The following ZBTB20 variants were observed in gnomAD, a reference collection of about 807,000 sequenced individuals.
The protein encoded by ZBTB20 is zinc finger and BTB domain-containing protein 20.
A neutral mutation model predicts 56.9 loss-of-function variants in ZBTB20; 9 were observed. The ratio of observed to expected loss-of-function variants is 0.16; its 90% CI spans 0.10 to 0.28. The LOEUF (loss-of-function observed/expected upper bound fraction) is 0.28. Among genes scored for constraint, ZBTB20 ranks in the 10% least tolerant of loss-of-function variants. The pLI is 1.00. For missense variants in ZBTB20, 655 were observed against 1,003.0 expected, an observed-to-expected ratio of 0.65 and a Z score of 4.69; for synonymous variants, 417 against 420.7, an observed-to-expected ratio of 0.99 and a Z score of 0.11.
intron 6 of ZBTB20, among the ~76,000 whole-genome samples, chr3:114,551,258 TAA>T (rs1476592061): frequency 6.6e-6 from 1 of 152,208 alleles, no homozygotes; most frequent in African/African-American, 2.4e-5. Context: ...CTGTTCACAA[TAA>T]AAGAGATTCA....
In ZBTB20 at chr3:115,087,742, C is replaced by T. The variant is rs191808383; in HGVS notation, c.-702-16328G>A. Reference sequence around the variant, plus strand: ...GATGCAAGGGTAATATAGTTTCAGGCACCAACTGCTTCCTGCATCCCTATA... The same window carrying T: ...GATGCAAGGGTAATATAGTTTCAGGTACCAACTGCTTCCTGCATCCCTATA... On this transcript the variant is annotated intron_variant, in intron 1 of 11. Coordinates refer to ENST00000675478, the MANE Select transcript of ZBTB20 (RefSeq NM_001348800.3). Among the ~76,000 whole-genome samples, 28 of 152,022 alleles carry T rather than the reference C, an allele frequency of 1.8e-4. No homozygotes were observed. The East Asian group carries it at 3.7e-3, about 20-fold the overall frequency.
At chr3:114,388,893 A>C (rs2108612462) in intron 8 of ZBTB20, 112 bp downstream of exon 8, 1 of 152,414 alleles carries the variant, frequency 6.6e-6, no homozygotes, top group East Asian at 1.9e-4. Flanking sequence ...CTGCTGATCC[A>C]AGAAATGAAG....
At chr3:114,456,211 A>G (rs1222053909) in intron 7 of ZBTB20, among the ~76,000 whole-genome samples, 1 of 144,372 alleles carries the variant, frequency 6.9e-6, no homozygotes, top group Non-Finnish European at 1.5e-5. Flanking sequence ...ATATATATAT[A>G]TGGAGAGAGA....
intron 4 of ZBTB20, among the ~76,000 whole-genome samples, chr3:114,862,562 C>T (rs2075581986): frequency 6.6e-6 from 1 of 152,010 alleles, no homozygotes; most frequent in African/African-American, 2.4e-5. Flanking sequence ...CACCTTGTGC[C>T]AGGCACAGTT....
At chr3:114,547,497 A>G (rs2050031693) in intron 6 of ZBTB20, among the ~76,000 whole-genome samples, 2 of 152,186 alleles carry the variant, frequency 1.3e-5, no homozygotes, top group Admixed American at 1.3e-4. Flanking sequence ...AGATTTAAAA[A>G]TGATCGTAGT....
intron 8 of ZBTB20, among the ~76,000 whole-genome samples, chr3:114,382,295 A>G (rs1457913924): frequency 4.0e-5 from 6 of 151,344 alleles, no homozygotes; most frequent in Non-Finnish European, 2.9e-5. Context: ...AACCTCTTTC[A>G]CTCCTCTAGT....
At chr3:114,475,181 C>T (rs2040601394) in intron 7 of ZBTB20, among the ~76,000 whole-genome samples, 1 of 152,106 alleles carries the variant, frequency 6.6e-6, no homozygotes, top group Non-Finnish European at 1.5e-5. Flanking sequence ...TTCTTCCATG[C>T]TTTTCTCATG....
chr3:114,786,064 G>T (rs1374620718), intron 5 of ZBTB20, among the ~76,000 whole-genome samples: 1 of 151,892 alleles, frequency 6.6e-6, no homozygotes, highest in African/African-American at 2.4e-5. Context: ...ATAGGCAAAC[G>T]TGTGCCATGG....
At chr3:114,423,626 G>C (rs1041770966) in intron 7 of ZBTB20, among the ~76,000 whole-genome samples, 6 of 152,154 alleles carry the variant, frequency 3.9e-5, no homozygotes, top group Admixed American at 6.5e-5. Context: ...ATTTAAAAAG[G>C]GGGTTTATGA....
intron 4 of ZBTB20, among the ~76,000 whole-genome samples, chr3:114,889,860 G>C (rs983861365): frequency 2.0e-5 from 3 of 151,590 alleles, no homozygotes; most frequent in African/African-American, 7.3e-5. Flanking sequence ...AGAAAAAAAA[G>C]GATCTATACA....
intron 5 of ZBTB20, among the ~76,000 whole-genome samples, chr3:114,776,596 A>G (rs908603049): frequency 6.6e-6 from 1 of 152,202 alleles, no homozygotes; most frequent in African/African-American, 2.4e-5. Context: ...GAACTGTGAG[A>G]GAATAGATTT....
rs115503981 is a variant in ZBTB20, at chr3:114,645,661, G to A, written c.-295+47867C>T. 6.7e-3 allele frequency among the ~76,000 whole-genome samples: 1,013 copies of A among 152,184 alleles called. 11 individuals carry two copies. Among genetic ancestry groups the A allele is most frequent in the African/African-American group, 0.022 (920 of 41,526 alleles). On this transcript the variant is annotated intron_variant, in intron 6 of 11. Transcript: ENST00000675478. ...GCCTCAAAGGGGAATGTTGAGTCAT[G>A]GAGATGTAATGTGACTCCTTAAACT...
At chr3:115,115,238 T>TA (rs2083986718) in intron 1 of ZBTB20, among the ~76,000 whole-genome samples, 1 of 152,124 alleles carries the variant, frequency 6.6e-6, no homozygotes, top group Admixed American at 6.5e-5. Flanking sequence ...ATTTCATGTG[T>TA]AGAAGTAGTT....
At chr3:114,905,469 C>T (rs2075285947) in intron 3 of ZBTB20, among the ~76,000 whole-genome samples, 1 of 151,722 alleles carries the variant, frequency 6.6e-6, no homozygotes, top group Admixed American at 6.6e-5. Context: ...AGACTGTAAA[C>T]TTGGGGACCA....
chr3:114,801,898 A>G (rs550185793), intron 4 of ZBTB20, among the ~76,000 whole-genome samples: 3 of 152,070 alleles, frequency 2.0e-5, no homozygotes, highest in African/African-American at 7.2e-5. Context: ...TTTTTTAAAT[A>G]TGTACTTATA....
chr3:114,980,030 C>T (rs980233742), intron 2 of ZBTB20, among the ~76,000 whole-genome samples: 4 of 151,904 alleles, frequency 2.6e-5, no homozygotes, highest in Non-Finnish European at 5.9e-5. Flanking sequence ...ATTTCAGGTT[C>T]GCTTCTAAAT....
intron 5 of ZBTB20, among the ~76,000 whole-genome samples, chr3:114,753,236 A>C (rs1312175505): frequency 7.0e-6 from 1 of 141,986 alleles, no homozygotes; most frequent in Admixed American, 7.4e-5. Flanking sequence ...TATAATGTAT[A>C]TATGTATACC....
At chr3:114,449,801 G>C (rs772542846) in intron 7 of ZBTB20, among the ~76,000 whole-genome samples, 3 of 151,798 alleles carry the variant, frequency 2.0e-5, no homozygotes, top group Non-Finnish European at 2.9e-5. Context: ...GTTCAGACTA[G>C]CACATCTTTG....
At chr3:115,011,128 A>T (rs949705220) in intron 2 of ZBTB20, among the ~76,000 whole-genome samples, 7 of 151,874 alleles carry the variant, frequency 4.6e-5, no homozygotes, top group African/African-American at 1.4e-4. Context: ...AAAAAAGAAT[A>T]AAAAACAATG....
Sources: gnomAD v4.1 joint callset for allele counts (sites outside exome capture counted in the v4.1 genomes callset) on GRCh38, gnomAD v4.1.1 for gene constraint, MANE v1.5 for transcripts, NCBI Gene and HGNC (gene_info 2026-07-23, HGNC 2026-07-21) for gene names.